Variants in PLEKHG1 observed in about 807,000 individuals in gnomAD.
The protein encoded by PLEKHG1 is pleckstrin homology and RhoGEF domain containing G1.
In PLEKHG1, 44 loss-of-function variants were observed where a neutral mutation model predicts 100.8. The observed-to-expected ratio is 0.44, with a 90% confidence interval of 0.34 to 0.56. The LOEUF (loss-of-function observed/expected upper bound fraction) is 0.56. Among genes scored for constraint, PLEKHG1 ranks in the 20% least tolerant of loss-of-function variants. PLEKHG1 has a pLI of 0.01. For missense variants in PLEKHG1, 1,545 were observed against 1,720.9 expected (o/e 0.90, Z 1.81); for synonymous variants, 640 against 662.5 (o/e 0.97, Z 0.52).
intron 3 of PLEKHG1, among the ~76,000 whole-genome samples, chr6:150,715,150 A>T (rs970172297): frequency 6.6e-6 from 1 of 152,166 alleles, no homozygotes; most frequent in African/African-American, 2.4e-5. Flanking sequence ...TGCCACTAAA[A>T]TTATTTCACT....
chr6:150,603,077 C>A (rs2128549427), intron 1 of PLEKHG1, among the ~76,000 whole-genome samples: 3 of 19,382 alleles, frequency 1.5e-4, no homozygotes, highest in Non-Finnish European at 1.5e-4. Flanking sequence ...GAGACTCCGT[C>A]TCAAAAAAAA....
intron 3 of PLEKHG1, among the ~76,000 whole-genome samples, chr6:150,699,384 T>A (rs1780675968): frequency 6.6e-6 from 1 of 152,240 alleles, no homozygotes; most frequent in African/African-American, 2.4e-5. Flanking sequence ...CTGTGAGGTT[T>A]CCCTCGTGCA....
At chr6:150,816,088 C>T (rs76540032) in intron 10 of PLEKHG1, among the ~76,000 whole-genome samples, 5,131 of 152,214 alleles carry the variant, frequency 0.034, 145 homozygotes, top group South Asian at 0.14. Context: ...CTTGTTCTAG[C>T]CCTGAGCAAC....
rs1562551421 is a variant in PLEKHG1 at position 150,821,174 on chromosome 6, TG to T, written c.1409-19del. ...TTTGATTTGGTTTTGCCAATGATGC[TG>T]GCTTTGTTTTGTCTCCCAGAACCTT... On this transcript the variant is annotated intron_variant, in intron 12 of 15. Coordinates refer to ENST00000358517, the Ensembl canonical transcript of PLEKHG1. 1 of 1,609,498 alleles carries T rather than the reference TG, an allele frequency of 6.2e-7. No homozygotes were observed.
chr6:150,802,187 G>C (rs566453035), intron 6 of PLEKHG1, among the ~76,000 whole-genome samples: 21 of 152,244 alleles, frequency 1.4e-4, no homozygotes, highest in East Asian at 1.2e-3. Flanking sequence ...AGCTTTGTCT[G>C]TTTGCCTGGG....
Position 150,683,915 on chromosome 6 carries a change from G to A in PLEKHG1, c.-99+33129G>A. 1 of 898,830 alleles carries A rather than the reference G, an allele frequency of 1.1e-6. No individual in the cohort carries two copies. The highest frequency in any genetic ancestry group is 1.5e-6 in the Non-Finnish European group (1 of 661,924). The allele number at this position is 898,830 out of a possible 1,614,324, so 55.7% of individuals were successfully genotyped here. On this transcript the variant is annotated intron_variant, in intron 3 of 3. Coordinates refer to the PLEKHG1 transcript ENST00000367326. This position sits in a 1 kb window ranked among gnomAD's most constrained non-coding sequence, Gnocchi z 4.0. Reference sequence around the variant, plus strand: ...GGAGCGATCCTATGGTTTGGCACCTGCAGCCAGGGTGGTGGCAAGGGCAGT... The same window carrying A: ...GGAGCGATCCTATGGTTTGGCACCTACAGCCAGGGTGGTGGCAAGGGCAGT...
intron 3 of PLEKHG1, among the ~76,000 whole-genome samples, chr6:150,773,679 T>G (rs1784814863): frequency 6.6e-6 from 1 of 152,254 alleles, no homozygotes; most frequent in African/African-American, 2.4e-5. Flanking sequence ...GGCTTAGATT[T>G]TCTTGACTCT....
At chr6:150,772,964 G>A (rs1173533626) in intron 3 of PLEKHG1, among the ~76,000 whole-genome samples, 1 of 152,168 alleles carries the variant, frequency 6.6e-6, no homozygotes. Flanking sequence ...CCTACCGTGA[G>A]ACATGCCTTT....
intron 3 of PLEKHG1, among the ~76,000 whole-genome samples, chr6:150,706,738 T>A (rs1229412909): frequency 6.6e-6 from 1 of 152,074 alleles, no homozygotes; most frequent in Non-Finnish European, 1.5e-5. Flanking sequence ...CAAATTCTAA[T>A]GTTTTATTTA....
intron 5 of PLEKHG1, among the ~76,000 whole-genome samples, chr6:150,799,544 G>A (rs1786564889): frequency 1.3e-5 from 2 of 152,162 alleles, no homozygotes; most frequent in Non-Finnish European, 2.9e-5. Flanking sequence ...TTACCCTTGA[G>A]CAAGAACCCA....
chr6:150,794,070 A>T (rs1454583819), intron 4 of PLEKHG1, among the ~76,000 whole-genome samples: 12 of 152,196 alleles, frequency 7.9e-5, no homozygotes, highest in Admixed American at 7.9e-4. Flanking sequence ...CAACAGAGCG[A>T]GAATCCATCT....
Position 150,831,588 on chromosome 6 carries a change from C to T in PLEKHG1, c.2477C>T (p.Pro826Leu). ...GGTAACTTGTCTATGCCTCATAAGC[C>T]TGTATCTGATAAACTGTCCGAAGAA... is the stretch of plus-strand genomic sequence containing the variant. Residue 826 changes from proline to leucine, a missense_variant, in exon 15 of 16, where the codon CCT (proline) becomes CTT (leucine). Coordinates refer to ENST00000358517, the Ensembl canonical transcript of PLEKHG1. This position sits in a 1 kb window ranked among gnomAD's most constrained non-coding sequence, Gnocchi z 4.1. 3.1e-6 allele frequency: 5 copies of T among 1,614,138 alleles called. No individual in the cohort carries two copies. The highest frequency in any genetic ancestry group is 4.2e-6 in the Non-Finnish European group (5 of 1,180,020).
At chr6:150,693,404 G>A (rs995693377) in intron 3 of PLEKHG1, among the ~76,000 whole-genome samples, 4 of 152,132 alleles carry the variant, frequency 2.6e-5, no homozygotes, top group Admixed American at 6.5e-5. Context: ...CTAACTCTGG[G>A]ACTTGGAAGC....
intron 2 of PLEKHG1, among the ~76,000 whole-genome samples, chr6:150,750,058 C>G (rs1332087743): frequency 2.1e-5 from 3 of 139,988 alleles, no homozygotes; most frequent in African/African-American, 6.1e-5. Context: ...GGTGACAGAG[C>G]AAGACTCTGT....
chr6:150,630,348 A>G (rs1219240771), intron 1 of PLEKHG1, among the ~76,000 whole-genome samples: 1 of 152,228 alleles, frequency 6.6e-6, no homozygotes, highest in African/African-American at 2.4e-5. Context: ...TGACTGTACC[A>G]GTCCAGCTGA....
intron 3 of PLEKHG1, among the ~76,000 whole-genome samples, chr6:150,659,133 TTCTC>T (rs144788557): frequency 3.4e-5 from 5 of 148,296 alleles, no homozygotes; most frequent in African/African-American, 1.2e-4. Context: ...TGGGACTGGG[TTCTC>T]TCTCTCTCTC....
At chr6:150,736,666 G>A (rs1036139518) in intron 2 of PLEKHG1, among the ~76,000 whole-genome samples, 2 of 152,164 alleles carry the variant, frequency 1.3e-5, no homozygotes, top group African/African-American at 4.8e-5. Context: ...CTACTTGGGA[G>A]GCTGAGACAG....
At chr6:150,628,124 C>T (rs1274893339) in intron 1 of PLEKHG1, among the ~76,000 whole-genome samples, 1 of 152,118 alleles carries the variant, frequency 6.6e-6, no homozygotes, top group African/African-American at 2.4e-5. Context: ...ACAGATTGAA[C>T]TCCAAGTGAA....
At chr6:150,620,719 G>A (rs1777262482) in intron 1 of PLEKHG1, among the ~76,000 whole-genome samples, 1 of 152,190 alleles carries the variant, frequency 6.6e-6, no homozygotes, top group South Asian at 2.1e-4. Flanking sequence ...CCCGTTTTGT[G>A]CCAGGCATCA....
Sources: allele counts gnomAD v4.1 joint callset (sites outside exome capture counted in the v4.1 genomes callset), GRCh38; gene constraint gnomAD v4.1.1; non-coding constraint Gnocchi (gnomAD v3.1); transcripts MANE v1.5; gene names NCBI Gene and HGNC (gene_info 2026-07-23, HGNC 2026-07-21).